Variants in ZFP64 observed in about 807,000 individuals in gnomAD.
ZFP64 encodes the protein ZFP64 zinc finger protein, also known as zinc finger protein 64.
In ZFP64, 14 loss-of-function variants were observed where a neutral mutation model predicts 51.6. That is an observed-to-expected ratio of 0.27 (90% confidence interval 0.18 to 0.42). ZFP64 has a LOEUF of 0.42. Among genes scored for constraint, ZFP64 ranks in the 10% least tolerant of loss-of-function variants. ZFP64 has a pLI of 1.00. For missense variants in ZFP64, 754 were observed against 906.8 expected (o/e 0.83, Z 2.16); for synonymous variants, 375 against 361.4 (o/e 1.04, Z -0.43).
intron 5 of ZFP64, among the ~76,000 whole-genome samples, chr20:52,113,854 A>G (rs191041417): frequency 6.6e-6 from 1 of 152,160 alleles, no homozygotes; most frequent in African/African-American, 2.4e-5. Flanking sequence ...GAAAATGTAC[A>G]AGGTCACTTT....
chr20:52,109,005 G>A (rs953052450), intron 5 of ZFP64, among the ~76,000 whole-genome samples: 1 of 151,930 alleles, frequency 6.6e-6, no homozygotes, highest in Non-Finnish European at 1.5e-5. Context: ...TATTACACAG[G>A]TTGACTATTC....
At chr20:52,164,628 T>C in intron 4 of ZFP64, 67 bp downstream of exon 4, 1 of 1,347,576 alleles carries the variant, frequency 7.4e-7, no homozygotes, top group East Asian at 2.3e-5. Flanking sequence ...GTCTGACCTA[T>C]GTGGATCCCC....
At chr20:52,118,051 A>T (rs8116795) in intron 5 of ZFP64, among the ~76,000 whole-genome samples, 23,565 of 151,986 alleles carry the variant, frequency 0.16, 2,122 homozygotes, top group Non-Finnish European at 0.21. Context: ...TCCTGCCCAG[A>T]TCTCCCAAAA....
intron 5 of ZFP64, among the ~76,000 whole-genome samples, chr20:52,119,629 G>T (rs1199206820): frequency 7.3e-6 from 1 of 137,236 alleles, no homozygotes; most frequent in African/African-American, 2.7e-5. Flanking sequence ...GTCAGGCATG[G>T]TGGCGTGCAC....
At chr20:52,173,686 G>A (rs995022466) in intron 2 of ZFP64, among the ~76,000 whole-genome samples, 12 of 149,150 alleles carry the variant, frequency 8.0e-5, no homozygotes, top group African/African-American at 3.0e-4. Flanking sequence ...GTCTGGCTCT[G>A]TTGCCAGGCT....
intron 5 of ZFP64, among the ~76,000 whole-genome samples, chr20:52,114,600 A>G (rs1978766033): frequency 6.6e-6 from 1 of 152,216 alleles, no homozygotes; most frequent in Non-Finnish European, 1.5e-5. Context: ...AACACTCAGA[A>G]CATCTACTGT....
chr20:52,100,395 G>A (rs889732674), intron 5 of ZFP64, among the ~76,000 whole-genome samples: 7 of 152,022 alleles, frequency 4.6e-5, no homozygotes, highest in South Asian at 4.2e-4. Context: ...ACAGACGTGC[G>A]CCACCACGCC....
At chr20:52,174,482 C>CAA (rs386393988) in intron 2 of ZFP64, among the ~76,000 whole-genome samples, 14,347 of 55,060 alleles carry the variant, frequency 0.26, 1,561 homozygotes, top group Non-Finnish European at 0.35. Flanking sequence ...GGCTCCATCT[C>CAA]AAAAAAAAAA....
chr20:52,127,429 C>G (rs964612128), intron 5 of ZFP64, among the ~76,000 whole-genome samples: 1 of 152,090 alleles, frequency 6.6e-6, no homozygotes, highest in Non-Finnish European at 1.5e-5. Context: ...GTAATTGGAT[C>G]ATGGGGGCGG....
Position 52,089,724 on chromosome 20 carries a change from G to A in ZFP64, c.977-1081C>T, listed in dbSNP as rs1418791845. 2.2e-5 allele frequency among the ~76,000 whole-genome samples: 3 copies of A among 136,786 alleles called. No individual in the cohort carries two copies. The Admixed American group carries it at 2.3e-4, about 11-fold the overall frequency. The allele number at this position is 136,786 out of a possible 152,430, so 89.7% of individuals were successfully genotyped here. A position where few individuals can be genotyped will look rare whatever the true frequency, so the allele number is the denominator to read the frequency against. Reference sequence around the variant, plus strand: ...CCACTGCACTCTAGCCTGGGTGACAGAGCAAGACACTGTCTCAAAAAAAAA... The same window carrying A: ...CCACTGCACTCTAGCCTGGGTGACAAAGCAAGACACTGTCTCAAAAAAAAA... On this transcript the variant is annotated intron_variant, in intron 7 of 8. Transcript: ENST00000361387.
At chr20:52,119,520 TAA>T (rs11409645) in intron 5 of ZFP64, among the ~76,000 whole-genome samples, 2,523 of 100,148 alleles carry the variant, frequency 0.025, 69 homozygotes, top group Admixed American at 0.075. Flanking sequence ...AGACTTCATC[TAA>T]AAAAAAAAAA....
rs1981063395 is a variant in ZFP64 at position 52,153,575 on chromosome 20, G to T, written c.764-147C>A. On this transcript the variant is annotated intron_variant, in intron 5 of 5. Transcript: ENST00000216923. The surrounding 1 kb of genome is among the most constrained non-coding windows in gnomAD (Gnocchi z 5.1). ...CTTCTAGCAGCCCCTGGCAGTGGGG[G>T]AAGAGGGGCAGGGCGTCTTTATCTT... 1 of 1,263,964 alleles carries T rather than the reference G, an allele frequency of 7.9e-7. No individual in the cohort carries two copies. The highest frequency in any genetic ancestry group is 1.1e-6 in the Non-Finnish European group (1 of 949,066). The allele number at this position is 1,263,964 out of a possible 1,614,324, so 78.3% of individuals were successfully genotyped here. A position where few individuals can be genotyped will look rare whatever the true frequency, so the allele number is the denominator to read the frequency against.
intron 5 of ZFP64, among the ~76,000 whole-genome samples, chr20:52,156,984 T>C (rs1002669611): frequency 1.3e-5 from 2 of 152,106 alleles, no homozygotes; most frequent in African/African-American, 4.8e-5. Flanking sequence ...TTAGAGGGAA[T>C]ATAGAAAGTC....
chr20:52,145,910 T>G (rs1203514336), intron 5 of ZFP64, among the ~76,000 whole-genome samples: 1 of 152,228 alleles, frequency 6.6e-6, no homozygotes, highest in African/African-American at 2.4e-5. Context: ...TTATTGTAAC[T>G]GTTTTACTTT....
chr20:52,126,735 G>T (rs961701947), intron 5 of ZFP64, among the ~76,000 whole-genome samples: 5 of 152,100 alleles, frequency 3.3e-5, no homozygotes, highest in Non-Finnish European at 7.4e-5. Flanking sequence ...TCTCATAAAA[G>T]CTTAGGCATC....
intron 5 of ZFP64, among the ~76,000 whole-genome samples, chr20:52,124,788 G>C (rs532950493): frequency 3.4e-5 from 5 of 145,440 alleles, no homozygotes; most frequent in African/African-American, 1.3e-4. Flanking sequence ...TTTTTTTTTA[G>C]AGACAGGGTT....
chr20:52,124,488 GA>G (rs1157403658), intron 5 of ZFP64, among the ~76,000 whole-genome samples: 1 of 152,062 alleles, frequency 6.6e-6, no homozygotes, highest in Non-Finnish European at 1.5e-5. Flanking sequence ...ATATGATAAA[GA>G]AAAATAGTAA....
chr20:52,136,610 G>GT (rs1411032223), intron 5 of ZFP64, among the ~76,000 whole-genome samples: 8 of 152,036 alleles, frequency 5.3e-5, no homozygotes, highest in African/African-American at 1.9e-4. Context: ...CTGAAAAATG[G>GT]TTTTTTAAAA....
At chr20:52,169,710 C>T (rs1982560493) in intron 2 of ZFP64, among the ~76,000 whole-genome samples, 1 of 152,164 alleles carries the variant, frequency 6.6e-6, no homozygotes, top group Non-Finnish European at 1.5e-5. Flanking sequence ...ATTCCATAGG[C>T]TGTATTTTCA....
Sources: allele counts gnomAD v4.1 joint callset (sites outside exome capture counted in the v4.1 genomes callset), GRCh38; gene constraint gnomAD v4.1.1; non-coding constraint Gnocchi (gnomAD v3.1); transcripts MANE v1.5; gene names NCBI Gene and HGNC (gene_info 2026-07-23, HGNC 2026-07-21).